XKR9: variants seen among roughly 807,000 people sequenced by gnomAD.
XKR9 encodes the protein XK-related protein 9.
In XKR9, 32 loss-of-function variants were observed where a neutral mutation model predicts 32.0. The observed-to-expected ratio is 1.00, with a 90% CI of 0.76 to 1.34. XKR9 has a LOEUF of 1.34. Ranked by LOEUF, XKR9 falls within the 40% of genes most tolerant of loss-of-function variation. The pLI, the probability that XKR9 is intolerant of heterozygous loss-of-function variation, is 0.00. For synonymous variants in XKR9, 168 were observed against 143.4 expected (o/e 1.17, Z -1.22); for missense variants, 546 against 429.7 (o/e 1.27, Z -2.39).
At chr8:70,672,987 A>G (rs1464209345) in intron 1 of XKR9, among the ~76,000 whole-genome samples, 1 of 152,152 alleles carries the variant, frequency 6.6e-6, no homozygotes, top group Non-Finnish European at 1.5e-5. Flanking sequence ...AATAGTTTGC[A>G]AATATTTTCT....
At chr8:70,676,735 G>A (rs891403897) in intron 2 of XKR9, among the ~76,000 whole-genome samples, 1 of 152,132 alleles carries the variant, frequency 6.6e-6, no homozygotes, top group African/African-American at 2.4e-5. Context: ...TGTTGGCCAG[G>A]TATGGTACCT....
chr8:70,993,247 C>G, the XKR9 span, among the ~76,000 whole-genome samples: 2 of 152,166 alleles, frequency 1.3e-5, no homozygotes, highest in East Asian at 3.9e-4. Context: ...CACAGATAAT[C>G]AAACACTTTT....
intron 4 of XKR9, among the ~76,000 whole-genome samples, chr8:70,711,614 A>G (rs1450468713): frequency 2.0e-5 from 3 of 151,810 alleles, no homozygotes; most frequent in Non-Finnish European, 4.4e-5. Flanking sequence ...AATAGACATC[A>G]GGGCTTACTT....
chr8:70,915,657 GATGAAGATTTGTTTTCATAGGAAT>G, the XKR9 span, among the ~76,000 whole-genome samples: 1 of 152,290 alleles, frequency 6.6e-6, no homozygotes, highest in East Asian at 1.9e-4. Flanking sequence ...ATGAAGTAGA[GATGAAGATTTGTTTTCATAGGAAT>G]ATTTAATTGA....
the XKR9 span, among the ~76,000 whole-genome samples, chr8:70,911,637 A>G: frequency 6.6e-6 from 1 of 152,222 alleles, no homozygotes; most frequent in South Asian, 2.1e-4. Context: ...CTGATGGAGC[A>G]TACAGCAAAA....
chr8:70,701,716 A>G (rs1172912966), intron 3 of XKR9, among the ~76,000 whole-genome samples: 1 of 152,196 alleles, frequency 6.6e-6, no homozygotes, highest in Non-Finnish European at 1.5e-5. Flanking sequence ...GAAAAATTGA[A>G]TTCATGTTGG....
chr8:70,837,192 T>C, the XKR9 span, among the ~76,000 whole-genome samples: 4 of 152,126 alleles, frequency 2.6e-5, no homozygotes, highest in Admixed American at 1.3e-4. Context: ...CTGTTTCTAA[T>C]AGACTGTGAG....
the XKR9 span, among the ~76,000 whole-genome samples, chr8:70,815,404 C>T: frequency 6.6e-6 from 1 of 152,096 alleles, no homozygotes; most frequent in East Asian, 1.9e-4. Context: ...CTCCCACTTA[C>T]AAGTGAGAAC....
At chr8:70,743,914 A>G (rs1326746828) in intron 2 of XKR9, among the ~76,000 whole-genome samples, 1 of 151,840 alleles carries the variant, frequency 6.6e-6, no homozygotes, top group Non-Finnish European at 1.5e-5. Context: ...TTTGCTGTGA[A>G]GTGCTTTGAG....
At chr8:70,849,716 C>T in the XKR9 span, among the ~76,000 whole-genome samples, 1 of 151,928 alleles carries the variant, frequency 6.6e-6, no homozygotes, top group Admixed American at 6.6e-5. Flanking sequence ...ATAGATAGAC[C>T]ACTAGCCAGA....
the XKR9 span, among the ~76,000 whole-genome samples, chr8:70,914,211 CA>C: frequency 1.3e-5 from 2 of 151,950 alleles, no homozygotes; most frequent in African/African-American, 4.8e-5. Flanking sequence ...ATTATAGGCA[CA>C]AGCCACTGTG....
chr8:70,918,960 G>T, the XKR9 span, among the ~76,000 whole-genome samples: 2 of 151,578 alleles, frequency 1.3e-5, no homozygotes, highest in African/African-American at 2.4e-5. Context: ...TGTATTTCTA[G>T]TAGAGACAGG....
the XKR9 span, among the ~76,000 whole-genome samples, chr8:70,817,933 T>G: frequency 6.6e-6 from 1 of 152,152 alleles, no homozygotes; most frequent in Admixed American, 6.5e-5. Context: ...ACACTGGATC[T>G]CTATCTTTCA....
chr8:70,900,642 G>A, the XKR9 span, among the ~76,000 whole-genome samples: 1 of 151,902 alleles, frequency 6.6e-6, no homozygotes, highest in Non-Finnish European at 1.5e-5. Context: ...CAATATTTTA[G>A]CATACTTGGC....
chr8:70,799,933 T>C, the XKR9 span, among the ~76,000 whole-genome samples: 1 of 152,358 alleles, frequency 6.6e-6, no homozygotes, highest in Admixed American at 6.5e-5. Context: ...CATCCTTGTC[T>C]TGAGCTGGTT....
chr8:70,981,196 C>T, the XKR9 span, among the ~76,000 whole-genome samples: 3 of 152,150 alleles, frequency 2.0e-5, no homozygotes, highest in Non-Finnish European at 4.4e-5. Flanking sequence ...TCTAGCAAGG[C>T]CACAGAAGTT....
intron 4 of XKR9, among the ~76,000 whole-genome samples, chr8:70,725,388 A>T (rs530425410): frequency 3.7e-4 from 56 of 152,278 alleles, no homozygotes; most frequent in African/African-American, 1.3e-3. Flanking sequence ...CCTCTTTCCA[A>T]ATAGGAAATC....
chr8:71,018,142 G>T, the XKR9 span, among the ~76,000 whole-genome samples: 3 of 152,198 alleles, frequency 2.0e-5, no homozygotes, highest in East Asian at 1.9e-4. Context: ...TAAAGAATAG[G>T]CATTAGAAGG....
chr8:70,788,201 C>G (rs1488729619), intron 2 of XKR9, among the ~76,000 whole-genome samples: 1 of 152,048 alleles, frequency 6.6e-6, no homozygotes, highest in African/African-American at 2.4e-5. Context: ...AGCACCAACC[C>G]TACAACGTAG....
Sources: allele counts gnomAD v4.1 joint callset (sites outside exome capture counted in the v4.1 genomes callset), GRCh38; gene constraint gnomAD v4.1.1; transcripts MANE v1.5; gene names NCBI Gene and HGNC (gene_info 2026-07-23, HGNC 2026-07-21).